PCDHGA4: variants seen among roughly 807,000 people sequenced by gnomAD.
PCDHGA4 encodes protocadherin gamma-A4.
In PCDHGA4, 38 loss-of-function variants were observed where a neutral mutation model predicts 54.6. That is an observed-to-expected ratio of 0.70 (90% CI 0.54 to 0.91). The LOEUF is 0.91. Among genes scored for constraint, PCDHGA4 ranks in the 40% least tolerant of loss-of-function variants. PCDHGA4 has a pLI of 0.00. For missense variants in PCDHGA4, 1,298 were observed against 1,220.9 expected (o/e 1.06, Z -0.94); for synonymous variants, 511 against 512.9 (o/e 1.00, Z 0.05).
In PCDHGA4 at chr5:141,490,537, T is replaced by C; in HGVS notation, c.2515-4270T>C. On this transcript the variant is annotated intron_variant, in intron 1 of 3. Transcript: ENST00000571252. This position sits in a 1 kb window ranked among gnomAD's most constrained non-coding sequence, Gnocchi z 5.4. ...GCTGGCCAGCGATGCTGGTTCACCT[T>C]CCCTACACAAACATCTCACCATCAG... is the stretch of plus-strand genomic sequence containing the variant. 1.9e-6 allele frequency: 3 copies of C among 1,614,180 alleles called. No homozygotes were observed. The highest frequency in any genetic ancestry group is 8.5e-7 in the Non-Finnish European group (1 of 1,180,028).
chr5:141,407,548 G>A (rs2094952527), intron 1 of PCDHGA4, among the ~76,000 whole-genome samples: 1 of 151,388 alleles, frequency 6.6e-6, no homozygotes, highest in Non-Finnish European at 1.5e-5. Context: ...GTAACAGATT[G>A]TAGAACATAA....
At chr5:141,478,519 G>A in intron 1 of PCDHGA4, 2 of 1,610,728 alleles carry the variant, frequency 1.2e-6, no homozygotes, top group Non-Finnish European at 1.7e-6. Context: ...GGCAGGTGTT[G>A]GGTGCAGAGA....
intron 1 of PCDHGA4, chr5:141,478,287 G>A (rs777542913): frequency 3.7e-6 from 6 of 1,614,154 alleles, no homozygotes; most frequent in Non-Finnish European, 5.1e-6. Flanking sequence ...AAGCAGTCTA[G>A]AGACCTATAC....
intron 1 of PCDHGA4, among the ~76,000 whole-genome samples, chr5:141,397,737 C>T (rs2093564219): frequency 6.6e-6 from 1 of 152,164 alleles, no homozygotes. Flanking sequence ...GAGAAAGATA[C>T]CTTAAAGAAG....
At chr5:141,359,042 C>T (rs1351620188) in intron 1 of PCDHGA4, among the ~76,000 whole-genome samples, 1 of 152,190 alleles carries the variant, frequency 6.6e-6, no homozygotes, top group Admixed American at 6.5e-5. Flanking sequence ...TAGTGATAGA[C>T]TGTGGAATAT....
intron 1 of PCDHGA4, chr5:141,388,215 G>A (rs2091280920): frequency 6.3e-7 from 1 of 1,597,062 alleles, no homozygotes. Flanking sequence ...GGCTGTTGCT[G>A]AAAATCCACT....
Position 141,511,029 on chromosome 5 carries a change from G to A in PCDHGA4, c.2745G>A (p.Leu915=), listed in dbSNP as rs1372346241. The part of the protein sequence containing the change: ...LSARYGPQFT[L]QHVPDYRQNV... ...CCCGCTACGGACCCCAGTTCACCCT[G>A]CAGCACGTGCCCGACTACCGCCAGA... The change falls in exon 4 of 4, where the codon CTG becomes CTA. Residue 915 remains leucine, a synonymous_variant. Transcript: ENST00000571252. 6.2e-7 allele frequency: 1 copy of A among 1,614,078 alleles called. No individual in the cohort carries two copies. Among genetic ancestry groups the A allele is most frequent in the Non-Finnish European group, 8.5e-7 (1 of 1,180,032 alleles).
At chr5:141,381,066 C>T (rs1178029702) in intron 1 of PCDHGA4, among the ~76,000 whole-genome samples, 1 of 152,200 alleles carries the variant, frequency 6.6e-6, no homozygotes, top group Non-Finnish European at 1.5e-5. Context: ...GCAAAGATAA[C>T]TATGGATTAT....
intron 1 of PCDHGA4, chr5:141,398,503 A>G (rs2093664041): frequency 1.9e-6 from 3 of 1,601,316 alleles, no homozygotes; most frequent in Non-Finnish European, 1.7e-6. Flanking sequence ...GATCGAGGAC[A>G]TTAATGACCA....
chr5:141,355,645 G>A lies in PCDHGA4; in HGVS notation c.538G>A (p.Gly180Arg), dbSNP rs765146485. 21 of 1,613,868 alleles carry A rather than the reference G, an allele frequency of 1.3e-5. No individual in the cohort carries two copies. The Admixed American group carries it at 2.2e-4, about 17-fold the overall frequency. ...AAAAGTTGCTGAAAATGAAAATCCT[G>A]GGGCAAGATTTCCTCTTCCTGAAGC... is the stretch of plus-strand genomic sequence containing the variant. The part of the protein sequence containing the change: ...EIKVAENENP[G>R]ARFPLPEAFD... The change falls in exon 1 of 4, where the codon GGG (glycine) becomes AGG (arginine). Residue 180 changes from glycine to arginine, a missense_variant. Gly to Arg is a moderately radical substitution (Grantham distance 125). Coordinates refer to ENST00000571252, the MANE Select transcript of PCDHGA4 (RefSeq NM_018917.4).
chr5:141,508,409 G>T (rs143032030), intron 3 of PCDHGA4: 4 of 152,276 alleles, frequency 2.6e-5, no homozygotes, highest in South Asian at 2.1e-4. Context: ...CTTGAGCCAC[G>T]CAGAGACTTG....
intron 1 of PCDHGA4, chr5:141,393,380 C>T (rs771237283): frequency 6.2e-7 from 1 of 1,613,988 alleles, no homozygotes; most frequent in South Asian, 1.1e-5. Context: ...ACAATGGAGC[C>T]ATAAACCCAG....
intron 1 of PCDHGA4, chr5:141,413,586 C>G (rs2095657085): frequency 2.5e-6 from 4 of 1,613,724 alleles, no homozygotes; most frequent in Admixed American, 1.7e-5. Context: ...CTCCAAAATT[C>G]CAAGCAGAAA....
rs376526750 is a variant in PCDHGA4 at position 141,476,593 on chromosome 5, G to T, written c.2515-18214G>T. The T allele has an allele frequency of 8.5e-5, 138 of 1,614,104 alleles. No individual in the cohort carries two copies. The highest frequency in any genetic ancestry group is 1.1e-4 in the Non-Finnish European group (133 of 1,180,044). On this transcript the variant is annotated intron_variant, in intron 1 of 3. Transcript: ENST00000571252. The surrounding 1 kb of genome is among the most constrained non-coding windows in gnomAD (Gnocchi z 7.6). ...GGACGCGCTTTCCGCTCGAGAGCGCGCACGATCCCGATGTGGGAAGCAACT... is the reference window on the plus strand; with the variant it reads ...GGACGCGCTTTCCGCTCGAGAGCGCTCACGATCCCGATGTGGGAAGCAACT...
At position 141,355,134 on chromosome 5, in the gene PCDHGA4, T is replaced by A. The variant is rs892801062; in HGVS notation, c.27T>A (p.Asp9Glu). Reference sequence around the variant, plus strand: ...TGCACTTTATTTTGGACCCAGAAGATCCTGGGGCTCCTCAGGCCTCGACAG... The same window carrying A: ...TGCACTTTATTTTGGACCCAGAAGAACCTGGGGCTCCTCAGGCCTCGACAG... MHFILDPE[D>E]PGAPQASTEG... The change falls in exon 1 of 4, where the codon GAT becomes GAA. Residue 9 changes from aspartate to glutamate, a missense_variant. Physicochemically the swap from Asp to Glu is conservative, Grantham distance 45 (BLOSUM62 2). Coordinates refer to ENST00000571252, the MANE Select transcript of PCDHGA4 (RefSeq NM_018917.4). 6.6e-7 allele frequency: 1 copy of A among 1,523,362 alleles called. No individual in the cohort carries two copies. Among genetic ancestry groups the A allele is most frequent in the Non-Finnish European group, 8.8e-7 (1 of 1,139,132 alleles). 94.4% of individuals were successfully genotyped at this position (1,523,362 alleles called of 1,614,324 possible). A position where few individuals can be genotyped will look rare whatever the true frequency, so the allele number is the denominator to read the frequency against.
At chr5:141,371,418 G>C (rs761627230) in intron 1 of PCDHGA4, 9 of 1,614,006 alleles carry the variant, frequency 5.6e-6, no homozygotes, top group Middle Eastern at 1.6e-4. Context: ...AGATGAAAAT[G>C]ACAATGCCCC....
intron 1 of PCDHGA4, chr5:141,415,033 C>G (rs1207811183): frequency 1.2e-6 from 2 of 1,613,456 alleles, no homozygotes; most frequent in South Asian, 1.1e-5. Flanking sequence ...CGAGCCGGGA[C>G]TCTTCGCGGT....
chr5:141,385,171 T>C, intron 1 of PCDHGA4: 1 of 1,614,170 alleles, frequency 6.2e-7, no homozygotes, highest in South Asian at 1.1e-5. Context: ...CCATGAGGTC[T>C]CCCTCACCGC....
rs2099748032 is a variant in PCDHGA4 at position 141,493,397 on chromosome 5, G to A, written c.2515-1410G>A. ...TTAAAAGCTTGAGGACAGGAGAGGG[G>A]AGTTGCCTCTGCTGGGATTTTGCTT... On this transcript the variant is annotated intron_variant, in intron 1 of 3. Coordinates refer to ENST00000571252, the MANE Select transcript of PCDHGA4 (RefSeq NM_018917.4). This position sits in a 1 kb window ranked among gnomAD's most constrained non-coding sequence, Gnocchi z 4.3. Among the ~76,000 whole-genome samples the A allele has an allele frequency of 6.6e-6, 1 of 152,176 alleles. No individual in the cohort carries two copies. Among genetic ancestry groups the A allele is most frequent in the Non-Finnish European group, 1.5e-5 (1 of 68,040 alleles).
Sources: gnomAD v4.1 joint callset for allele counts (sites outside exome capture counted in the v4.1 genomes callset) on GRCh38, gnomAD v4.1.1 for gene constraint, Gnocchi (gnomAD v3.1) non-coding constraint, MANE v1.5 for transcripts, NCBI Gene and HGNC (gene_info 2026-07-23, HGNC 2026-07-21) for gene names.